The following GALNT13 variants were observed in gnomAD, a reference collection of about 807,000 sequenced individuals.
The protein encoded by GALNT13 is polypeptide N-acetylgalactosaminyltransferase 13, also known as UDP-GalNAc:polypeptide N-acetylgalactosaminyltransferase 13.
In GALNT13, 28 loss-of-function variants were observed where a neutral mutation model predicts 64.2. That is an observed-to-expected ratio of 0.44 (90% CI 0.32 to 0.60). GALNT13 has a LOEUF of 0.60. Ranked by LOEUF, GALNT13 falls within the 20% of genes least tolerant of loss-of-function variation. GALNT13 has a pLI of 0.05. For synonymous variants in GALNT13, 214 were observed against 224.6 expected, an observed-to-expected ratio of 0.95 and a Z score of 0.42; for missense variants, 577 against 669.8, an observed-to-expected ratio of 0.86 and a Z score of 1.53.
chr2:153,901,640 C>T (rs1688241856), intron 2 of GALNT13, among the ~76,000 whole-genome samples: 1 of 151,868 alleles, frequency 6.6e-6, no homozygotes, highest in South Asian at 2.1e-4. Flanking sequence ...ATACCTCTGC[C>T]CTGATGAAGT....
At chr2:153,381,645 T>A in the GALNT13 span, among the ~76,000 whole-genome samples, 27 of 152,136 alleles carry the variant, frequency 1.8e-4, no homozygotes, top group African/African-American at 6.0e-4. Context: ...ATGAGATCAG[T>A]AAGGTCAGAT....
chr2:154,430,598 A>G (rs1315317197), intron 11 of GALNT13, among the ~76,000 whole-genome samples: 1 of 152,220 alleles, frequency 6.6e-6, no homozygotes, highest in Non-Finnish European at 1.5e-5. Flanking sequence ...AGAATATTAC[A>G]TAAACTCAAG....
At chr2:153,652,796 C>T in the GALNT13 span, among the ~76,000 whole-genome samples, 1 of 151,956 alleles carries the variant, frequency 6.6e-6, no homozygotes, top group Admixed American at 6.6e-5. Context: ...AGAATTTCTG[C>T]CTCAGCTCTA....
the GALNT13 span, among the ~76,000 whole-genome samples, chr2:153,601,284 CAT>C: frequency 6.6e-6 from 1 of 151,356 alleles, no homozygotes; most frequent in Non-Finnish European, 1.5e-5. Context: ...TTTGATGTTA[CAT>C]ATTCCTGAAA....
At chr2:153,609,073 T>C in the GALNT13 span, among the ~76,000 whole-genome samples, 1 of 150,544 alleles carries the variant, frequency 6.6e-6, no homozygotes, top group Admixed American at 6.6e-5. Context: ...TGCACCACCA[T>C]GACCAGCTAA....
chr2:153,959,903 G>C (rs1297659975), intron 3 of GALNT13, among the ~76,000 whole-genome samples: 1 of 152,192 alleles, frequency 6.6e-6, no homozygotes, highest in Non-Finnish European at 1.5e-5. Context: ...GCCTGTCAGA[G>C]AGTTGGGCCC....
the GALNT13 span, among the ~76,000 whole-genome samples, chr2:153,193,441 T>G: frequency 8.8e-6 from 1 of 113,820 alleles, no homozygotes; most frequent in South Asian, 3.0e-4. Context: ...CTCTGGGGAC[T>G]GTGGTGGGGT....
At chr2:153,528,594 T>C in the GALNT13 span, among the ~76,000 whole-genome samples, 1 of 151,976 alleles carries the variant, frequency 6.6e-6, no homozygotes, top group Non-Finnish European at 1.5e-5. Context: ...TACAGAACAT[T>C]TCATCTAACA....
At chr2:153,668,392 A>T in the GALNT13 span, among the ~76,000 whole-genome samples, 1 of 152,230 alleles carries the variant, frequency 6.6e-6, no homozygotes, top group Non-Finnish European at 1.5e-5. Flanking sequence ...AAAACTGGTC[A>T]TATGAACTGA....
chr2:154,197,882 A>G (rs1273310106), intron 4 of GALNT13, among the ~76,000 whole-genome samples: 1 of 152,054 alleles, frequency 6.6e-6, no homozygotes, highest in Non-Finnish European at 1.5e-5. Context: ...GATAACAGAA[A>G]CACAAATGGT....
At chr2:153,113,300 C>G in the GALNT13 span, among the ~76,000 whole-genome samples, 3 of 151,980 alleles carry the variant, frequency 2.0e-5, no homozygotes, top group South Asian at 4.1e-4. Context: ...TCTCTGTACT[C>G]TAGAAGTATT....
chr2:153,336,949 G>A, the GALNT13 span, among the ~76,000 whole-genome samples: 1 of 152,120 alleles, frequency 6.6e-6, no homozygotes, highest in Admixed American at 6.5e-5. Context: ...GATCTGATGG[G>A]TTTATCAGGG....
chr2:154,220,302 G>A (rs188258318), intron 4 of GALNT13, among the ~76,000 whole-genome samples: 1 of 152,052 alleles, frequency 6.6e-6, no homozygotes, highest in Non-Finnish European at 1.5e-5. Context: ...GTCATTTGTA[G>A]AGATTAGAAA....
the GALNT13 span, among the ~76,000 whole-genome samples, chr2:153,366,073 G>A: frequency 6.6e-6 from 1 of 152,120 alleles, no homozygotes; most frequent in Non-Finnish European, 1.5e-5. Flanking sequence ...AAAAAGGAAT[G>A]AGGTCATGTC....
chr2:153,633,412 T>G, the GALNT13 span, among the ~76,000 whole-genome samples: 3 of 152,182 alleles, frequency 2.0e-5, no homozygotes, highest in Non-Finnish European at 1.5e-5. Context: ...TTACTCCCTT[T>G]CACCATTGTA....
chr2:153,497,327 G>T, the GALNT13 span, among the ~76,000 whole-genome samples: 1 of 151,832 alleles, frequency 6.6e-6, no homozygotes, highest in South Asian at 2.1e-4. Context: ...GTTTCTTTTG[G>T]GGCTGGTGTC....
chr2:153,160,251 C>T, the GALNT13 span, among the ~76,000 whole-genome samples: 3 of 152,162 alleles, frequency 2.0e-5, no homozygotes, highest in African/African-American at 7.2e-5. Context: ...TTGAGTGCCT[C>T]TGATGGGCCA....
chr2:154,045,336 C>T (rs1395955575), intron 3 of GALNT13, among the ~76,000 whole-genome samples: 4 of 152,126 alleles, frequency 2.6e-5, no homozygotes, highest in Non-Finnish European at 5.9e-5. Context: ...TACATAATAG[C>T]TGTCATATAA....
chr2:154,351,450 G>A (rs924659707), intron 9 of GALNT13, among the ~76,000 whole-genome samples: 7 of 152,012 alleles, frequency 4.6e-5, no homozygotes, highest in East Asian at 3.9e-4. Context: ...TTGGGAGGCC[G>A]AGACAGGCGG....
Sources: gnomAD v4.1 joint callset for allele counts (sites outside exome capture counted in the v4.1 genomes callset) on GRCh38, gnomAD v4.1.1 for gene constraint, MANE v1.5 for transcripts, NCBI Gene and HGNC (gene_info 2026-07-23, HGNC 2026-07-21) for gene names.